PCCB: variants seen among roughly 807,000 people sequenced by gnomAD.
The protein encoded by PCCB is propionyl-CoA carboxylase beta chain, mitochondrial.
In PCCB, 43 loss-of-function variants were observed where a neutral mutation model predicts 60.7. That is an observed-to-expected ratio of 0.71 (90% CI 0.55 to 0.91). PCCB has a LOEUF of 0.91. Among genes scored for constraint, PCCB ranks in the 40% least tolerant of loss-of-function variants. The pLI is 0.00. For missense variants in PCCB, 766 were observed against 702.8 expected (o/e 1.09, Z -1.02); for synonymous variants, 276 against 255.9 (o/e 1.08, Z -0.75).
At position 136,327,504 on chromosome 3, in the gene PCCB, C is replaced by G. The variant is rs1047298857; in HGVS notation, c.1300-130C>G. 5.1e-6 allele frequency: 4 copies of G among 777,270 alleles called. No homozygotes were observed. The Admixed American group carries it at 6.0e-5, about 12-fold the overall frequency. 48.1% of individuals were successfully genotyped at this position (777,270 alleles called of 1,614,324 possible). A position where few individuals can be genotyped will look rare whatever the true frequency, so the allele number is the denominator to read the frequency against. On this transcript the variant is annotated intron_variant, in intron 12 of 14. Coordinates refer to ENST00000251654, the MANE Select transcript of PCCB (RefSeq NM_000532.5). ...ATTAACTTTGAAAGGTCTTACAGAC[C>G]GTGGGCCTTCAGGAGCCCAGTAGGG...
intron 2 of PCCB, 77 bp from the exon 3 acceptor site, chr3:136,256,478 C>A: frequency 9.6e-7 from 1 of 1,043,814 alleles, no homozygotes. Context: ...TTTTGTCTTT[C>A]ATTGAGGCAT....
At chr3:136,252,283 G>C (rs1213902543) in intron 1 of PCCB, 4 of 455,654 alleles carry the variant, frequency 8.8e-6, no homozygotes, top group South Asian at 6.2e-5. Context: ...TTTTGAGACA[G>C]AGTTCACTCT....
At position 136,299,524 on chromosome 3, in the gene PCCB, GTA is replaced by G. The variant is rs1934115796; in HGVS notation, c.884+1454_884+1455del. Among the ~76,000 whole-genome samples the G allele has an allele frequency of 3.1e-5, 4 of 127,590 alleles. No individual in the cohort carries two copies. The South Asian group carries it at 9.4e-4, about 30-fold the overall frequency. 83.7% of individuals were successfully genotyped at this position (127,590 alleles called of 152,430 possible). On this transcript the variant is annotated intron_variant, in intron 8 of 14. Transcript: ENST00000251654. The stretch of plus-strand genomic sequence containing the variant: ...TGTATGTATAGGTATGCATGTGTAT[GTA>G]TGTATATGCATGTGTATAGGTATGC...
chr3:136,323,679 C>A (rs771654539), intron 10 of PCCB, among the ~76,000 whole-genome samples: 17 of 151,820 alleles, frequency 1.1e-4, no homozygotes, highest in African/African-American at 3.6e-4. Flanking sequence ...CAGCTACTTA[C>A]GAGGCCGAGG....
In PCCB at chr3:136,259,187, C is replaced by T. The variant is rs117604575; in HGVS notation, c.373-1292C>T. On this transcript the variant is annotated intron_variant, in intron 3 of 14. Transcript: ENST00000251654. ...TCTTTTTAAAACAGCAAATAATAGGCTGGGCACAGTGGCTCCCGCTTGTCA... is the reference window on the plus strand; with the variant it reads ...TCTTTTTAAAACAGCAAATAATAGGTTGGGCACAGTGGCTCCCGCTTGTCA... 1.3e-3 allele frequency: 1,874 copies of T among 1,455,846 alleles called. 41 individuals are homozygous for T. The East Asian group carries it at 0.037, about 29-fold the overall frequency. 90.2% of individuals were successfully genotyped at this position (1,455,846 alleles called of 1,614,324 possible). A position where few individuals can be genotyped will look rare whatever the true frequency, so the allele number is the denominator to read the frequency against.
intron 5 of PCCB, among the ~76,000 whole-genome samples, chr3:136,278,293 AC>A (rs1942384878): frequency 6.6e-6 from 1 of 151,410 alleles, no homozygotes; most frequent in Non-Finnish European, 1.5e-5. Flanking sequence ...CTGGAGACTT[AC>A]AGTTTTTCCC....
intron 10 of PCCB, among the ~76,000 whole-genome samples, chr3:136,321,496 C>T (rs916072120): frequency 1.2e-4 from 18 of 152,172 alleles, no homozygotes; most frequent in Non-Finnish European, 2.4e-4. Context: ...TGGAAGCAGA[C>T]GTTCTTCACA....
chr3:136,264,330 T>C (rs1941910284), intron 5 of PCCB, among the ~76,000 whole-genome samples: 1 of 151,760 alleles, frequency 6.6e-6, no homozygotes, highest in African/African-American at 2.4e-5. Context: ...TAATTCATTA[T>C]CCTTATTCAG....
intron 5 of PCCB, among the ~76,000 whole-genome samples, chr3:136,282,726 T>C (rs1942513480): frequency 6.6e-6 from 1 of 152,234 alleles, no homozygotes; most frequent in Admixed American, 6.5e-5. Context: ...TATTTATCAT[T>C]TTCAGCACTC....
chr3:136,283,914 C>CCCAG lies in PCCB; in HGVS notation c.624_627dup (p.Leu210SerfsTer21). ...CATGTGCTGGTGGGGCCGTCTACTC[C>CCCAG]CCAGCCCTAACAGACTTCACGTTCA... On this transcript the variant is annotated frameshift_variant, in exon 6 of 15. Coordinates refer to ENST00000251654, the MANE Select transcript of PCCB (RefSeq NM_000532.5). LOFTEE classifies it high-confidence loss of function. 1 of 1,612,816 alleles carries CCCAG rather than the reference C, an allele frequency of 6.2e-7. No homozygotes were observed. Among genetic ancestry groups the CCCAG allele is most frequent in the Non-Finnish European group, 8.5e-7 (1 of 1,178,948 alleles).
At position 136,330,033 on chromosome 3, in the gene PCCB, C is replaced by G. The variant is rs1560035757; in HGVS notation, c.*7C>G. 6.2e-7 allele frequency: 1 copy of G among 1,613,990 alleles called. No homozygotes were observed. The highest frequency in any genetic ancestry group is 8.5e-7 in the Non-Finnish European group (1 of 1,179,942). On this transcript the variant is annotated 3_prime_UTR_variant, in exon 15 of 15. Transcript: ENST00000251654. ...TGCAAATATTCCATTGTAAACAAAT[C>G]AAAGGAAAAGAAACCAAGAACTGAA...
chr3:136,328,404 C>G, intron 13 of PCCB, among the ~76,000 whole-genome samples: 1 of 152,188 alleles, frequency 6.6e-6, no homozygotes, highest in East Asian at 1.9e-4. Context: ...CCCCTTGATA[C>G]AAGACCATGG....
intron 1 of PCCB, among the ~76,000 whole-genome samples, chr3:136,252,603 C>T (rs1026950623): frequency 1.3e-5 from 2 of 151,024 alleles, no homozygotes; most frequent in African/African-American, 2.4e-5. Flanking sequence ...TCATGGCTCA[C>T]TGCATCCTTG....
rs1933619801 is a variant in PCCB at position 136,290,387 on chromosome 3, G to C, written c.655-3369G>C. The stretch of plus-strand genomic sequence containing the variant: ...TTGCATGGTTTCTAAGAAAAATTTG[G>C]ATATAATTATTATTTTTGGTCCTCT... On this transcript the variant is annotated intron_variant, in intron 6 of 14. Coordinates refer to ENST00000251654, the MANE Select transcript of PCCB (RefSeq NM_000532.5). Among the ~76,000 whole-genome samples the C allele has an allele frequency of 4.6e-5, 7 of 152,166 alleles. No individual in the cohort carries two copies. The South Asian group carries it at 1.5e-3, about 32-fold the overall frequency.
intron 9 of PCCB, among the ~76,000 whole-genome samples, chr3:136,309,753 G>A (rs894502707): frequency 2.6e-5 from 4 of 151,160 alleles, no homozygotes; most frequent in African/African-American, 9.8e-5. Flanking sequence ...AGTGAGCTGT[G>A]ATTGCACCAT....
At chr3:136,308,481 C>T (rs377209113) in intron 9 of PCCB, among the ~76,000 whole-genome samples, 1 of 152,162 alleles carries the variant, frequency 6.6e-6, no homozygotes. Context: ...ATTCAACAGA[C>T]TTAGGTAGAA....
At chr3:136,289,088 C>T (rs1933558818) in intron 6 of PCCB, among the ~76,000 whole-genome samples, 1 of 152,058 alleles carries the variant, frequency 6.6e-6, no homozygotes, top group Non-Finnish European at 1.5e-5. Context: ...TAACCCCTGG[C>T]CTCAAGTAAT....
intron 10 of PCCB, among the ~76,000 whole-genome samples, chr3:136,325,090 A>G (rs903602073): frequency 6.6e-6 from 1 of 152,078 alleles, no homozygotes; most frequent in African/African-American, 2.4e-5. Flanking sequence ...GGGTTTTGCC[A>G]TTTTGGCCAG....
chr3:136,270,837 G>C (rs1413949812), intron 5 of PCCB, among the ~76,000 whole-genome samples: 1 of 152,066 alleles, frequency 6.6e-6, no homozygotes, highest in Non-Finnish European at 1.5e-5. Context: ...GGCCGTTTTT[G>C]TAGGAGTAAG....
Sources: allele counts gnomAD v4.1 joint callset (sites outside exome capture counted in the v4.1 genomes callset), GRCh38; gene constraint gnomAD v4.1.1; transcripts MANE v1.5; gene names NCBI Gene and HGNC (gene_info 2026-07-23, HGNC 2026-07-21).